The following SNCAIP variants were observed in gnomAD, a reference collection of about 807,000 sequenced individuals.
SNCAIP encodes synphilin-1.
A neutral mutation model predicts 86.7 loss-of-function variants in SNCAIP; 43 were observed. The ratio of observed to expected loss-of-function variants is 0.50; its 90% CI spans 0.39 to 0.64. The LOEUF is 0.64. Ranked by LOEUF, SNCAIP falls within the 30% of genes least tolerant of loss-of-function variation. The pLI is 0.00. For synonymous variants in SNCAIP, 417 were observed against 427.2 expected (o/e 0.98, Z 0.29); for missense variants, 981 against 1,103.1 (o/e 0.89, Z 1.57).
intron 4 of SNCAIP, 92 bp from the exon 5 acceptor site, chr5:122,425,260 T>C: frequency 1.0e-6 from 1 of 954,886 alleles, no homozygotes; most frequent in Non-Finnish European, 1.7e-6. Context: ...TTCTATAAGC[T>C]CATTTCTTCT....
intron 2 of SNCAIP, among the ~76,000 whole-genome samples, chr5:122,396,333 C>T (rs1770615234): frequency 6.6e-6 from 1 of 152,098 alleles, no homozygotes; most frequent in Admixed American, 6.6e-5. Context: ...AATCTAGGTT[C>T]CCAAACTCCA....
chr5:122,379,813 T>G (rs1248995850), intron 1 of SNCAIP, among the ~76,000 whole-genome samples: 22 of 148,390 alleles, frequency 1.5e-4, no homozygotes, highest in Admixed American at 4.7e-4. Context: ...GGTTTTTGTC[T>G]TTGGCTCTGT....
At chr5:122,442,592 A>AT (rs544966750) in intron 7 of SNCAIP, among the ~76,000 whole-genome samples, 8 of 152,158 alleles carry the variant, frequency 5.3e-5, no homozygotes, top group African/African-American at 9.6e-5. Context: ...AAGGAGTAGC[A>AT]TTTTTTTGTA....
intron 1 of SNCAIP, chr5:122,313,045 A>G (rs754709558): frequency 6.6e-6 from 1 of 152,272 alleles, no homozygotes; most frequent in Non-Finnish European, 1.5e-5. Context: ...TCCACAGGAA[A>G]TACTAGCATT....
At chr5:122,458,822 G>T (rs766147608) in intron 10 of SNCAIP, among the ~76,000 whole-genome samples, 2 of 152,178 alleles carry the variant, frequency 1.3e-5, no homozygotes, top group Non-Finnish European at 2.9e-5. Context: ...AACATGGCAA[G>T]CTCTGTGAAA....
chr5:122,330,883 G>A (rs1237800658), intron 1 of SNCAIP, among the ~76,000 whole-genome samples: 1 of 151,834 alleles, frequency 6.6e-6, no homozygotes, highest in Admixed American at 6.6e-5. Context: ...GAAGCCCTGA[G>A]ATTGTTTTCC....
intron 5 of SNCAIP, among the ~76,000 whole-genome samples, chr5:122,426,963 T>G (rs1325282181): frequency 6.6e-6 from 1 of 152,182 alleles, no homozygotes; most frequent in Non-Finnish European, 1.5e-5. Context: ...ACTGGTAAGT[T>G]ATCAGTAACA....
intron 1 of SNCAIP, 193 bp downstream of exon 1, chr5:122,312,477 G>T (rs1455201524): frequency 6.6e-6 from 1 of 152,282 alleles, no homozygotes; most frequent in African/African-American, 2.4e-5. Context: ...GTTTGAGGGG[G>T]AGGTCTCTAT....
chr5:122,444,070 T>C (rs927378951), intron 7 of SNCAIP: 1 of 456,850 alleles, frequency 2.2e-6, no homozygotes, highest in African/African-American at 2.0e-5. Context: ...CTCTCAGCCA[T>C]GTCATTTCTT....
chr5:122,345,049 C>A (rs1758317346), intron 1 of SNCAIP, among the ~76,000 whole-genome samples: 1 of 152,122 alleles, frequency 6.6e-6, no homozygotes, highest in African/African-American at 2.4e-5. Context: ...AAATTAAGAA[C>A]ATGTGTCCCA....
chr5:122,337,571 C>A (rs1184708493), intron 1 of SNCAIP, among the ~76,000 whole-genome samples: 1 of 152,128 alleles, frequency 6.6e-6, no homozygotes, highest in African/African-American at 2.4e-5. Context: ...TGGAGTCTCG[C>A]CCTGTCACCC....
At position 122,330,243 on chromosome 5, in the gene SNCAIP, TC is replaced by T. The variant is rs1273666877; in HGVS notation, c.-47+17962del. ...TTCACGCCATTGTCCTGCCTCAGCCTCCCAAGTAGCTGGGACTACAGGCGCC... is the reference window on the plus strand; with the variant it reads ...TTCACGCCATTGTCCTGCCTCAGCCTCCAAGTAGCTGGGACTACAGGCGCC... On this transcript the variant is annotated intron_variant, in intron 1 of 10. Transcript: ENST00000261368. Among the ~76,000 whole-genome samples, 112 of 146,780 alleles carry T rather than the reference TC, an allele frequency of 7.6e-4. 1 individual carries two copies. Among genetic ancestry groups the T allele is most frequent in the South Asian group, 3.4e-3 (15 of 4,418 alleles).
At chr5:122,406,183 A>G (rs536923872) in intron 3 of SNCAIP, among the ~76,000 whole-genome samples, 20 of 152,274 alleles carry the variant, frequency 1.3e-4, no homozygotes, top group African/African-American at 3.8e-4. Flanking sequence ...TCTCAACGTG[A>G]TGAAGTTTTC....
Position 122,425,518 on chromosome 5 carries a change from G to T in SNCAIP, c.1169G>T (p.Gly390Val), listed in dbSNP as rs1363082398. 2 of 1,614,018 alleles carry T rather than the reference G, an allele frequency of 1.2e-6. No individual in the cohort carries two copies. Among genetic ancestry groups the T allele is most frequent in the Non-Finnish European group, 1.7e-6 (2 of 1,179,946 alleles). ...AACACTGAGAAGTTGACTCCAGCAG[G>T]CCTGGCCATTAAGGTGACTGGTTGG... ...ERNTEKLTPA[G>V]LAIKNGQLEC... Residue 390 changes from glycine to valine, a missense_variant, in exon 5 of 11, where the codon GGC becomes GTC. Coordinates refer to ENST00000261368, the MANE Select transcript of SNCAIP (RefSeq NM_005460.4).
intron 3 of SNCAIP, among the ~76,000 whole-genome samples, chr5:122,406,857 T>C (rs1773116359): frequency 6.6e-6 from 1 of 152,164 alleles, no homozygotes; most frequent in Non-Finnish European, 1.5e-5. Context: ...AGTGCAAGAA[T>C]AGACTAATAT....
intron 5 of SNCAIP, among the ~76,000 whole-genome samples, chr5:122,430,292 C>G (rs905538594): frequency 3.9e-5 from 6 of 152,176 alleles, no homozygotes; most frequent in Admixed American, 2.0e-4. Flanking sequence ...GCTAAAATCC[C>G]ACAAGCTGCA....
chr5:122,400,901 T>C (rs1771665779), intron 2 of SNCAIP: 3 of 1,357,666 alleles, frequency 2.2e-6, no homozygotes, highest in Non-Finnish European at 2.9e-6. Flanking sequence ...CTGGAAGACT[T>C]CTAGAAAAAG....
intron 3 of SNCAIP, among the ~76,000 whole-genome samples, chr5:122,417,476 A>G (rs1270123400): frequency 6.6e-6 from 1 of 152,196 alleles, no homozygotes; most frequent in African/African-American, 2.4e-5. Context: ...AATAGATGAA[A>G]GTGTTTTAAT....
intron 3 of SNCAIP, among the ~76,000 whole-genome samples, chr5:122,405,790 T>C (rs1428262768): frequency 6.6e-6 from 1 of 152,232 alleles, no homozygotes; most frequent in Non-Finnish European, 1.5e-5. Context: ...AACAGAAACT[T>C]TTAGTTTTTC....
Sources: gnomAD v4.1 joint callset for allele counts (sites outside exome capture counted in the v4.1 genomes callset) on GRCh38, gnomAD v4.1.1 for gene constraint, MANE v1.5 for transcripts, NCBI Gene and HGNC (gene_info 2026-07-23, HGNC 2026-07-21) for gene names.